Variants in ITPKB observed in about 807,000 individuals in gnomAD.
The protein encoded by ITPKB is inositol-trisphosphate 3-kinase B.
In ITPKB, 13 loss-of-function variants were observed where a neutral mutation model predicts 69.4. The observed-to-expected ratio is 0.19, with a 90% CI of 0.12 to 0.30. The LOEUF is 0.30. Ranked by LOEUF, ITPKB falls within the 10% of genes least tolerant of loss-of-function variation. The probability of loss-of-function intolerance (pLI) is 1.00; values close to 1 mark genes in which losing one functional copy is unlikely to be tolerated. For synonymous variants in ITPKB, 584 were observed against 513.7 expected (o/e 1.14, Z -1.85); for missense variants, 1,240 against 1,250.5 (o/e 0.99, Z 0.13).
At chr1:226,662,013 T>A (rs945975213) in intron 2 of ITPKB, among the ~76,000 whole-genome samples, 1 of 152,192 alleles carries the variant, frequency 6.6e-6, no homozygotes, top group African/African-American at 2.4e-5. Flanking sequence ...AACTCCAAAA[T>A]GCCCAGGAGC....
chr1:226,729,146 A>G (rs1404891447), intron 2 of ITPKB, among the ~76,000 whole-genome samples: 1 of 152,090 alleles, frequency 6.6e-6, no homozygotes, highest in Non-Finnish European at 1.5e-5. Flanking sequence ...AATGGTATTG[A>G]CTATTTTCCA....
At chr1:226,731,630 G>A (rs989326358) in intron 2 of ITPKB, among the ~76,000 whole-genome samples, 2 of 152,134 alleles carry the variant, frequency 1.3e-5, no homozygotes, top group Non-Finnish European at 2.9e-5. Flanking sequence ...CTAAGCTAGA[G>A]AAGCAGAGCC....
intron 4 of ITPKB, among the ~76,000 whole-genome samples, chr1:226,645,261 C>T (rs1198189800): frequency 6.6e-6 from 1 of 152,210 alleles, no homozygotes; most frequent in Non-Finnish European, 1.5e-5. Context: ...GGAGACCTTC[C>T]TCTTCCCCTC....
At chr1:226,636,403 C>G (rs1455455235) in intron 7 of ITPKB, among the ~76,000 whole-genome samples, 2 of 152,250 alleles carry the variant, frequency 1.3e-5, no homozygotes, top group African/African-American at 4.8e-5. Flanking sequence ...GTGCCACCCC[C>G]TCCTCGCAGC....
chr1:226,633,610 G>A lies in ITPKB; in HGVS notation c.*1061C>T, dbSNP rs918907744. ...GGAATCTAAGCCCTCCAGGCAGTAA[G>A]GCTTGTTTCAGAGGCAATAACAAAT... is the stretch of plus-strand genomic sequence containing the variant. On this transcript the variant is annotated 3_prime_UTR_variant, in exon 8 of 8. Coordinates refer to ENST00000429204, the MANE Select transcript of ITPKB (RefSeq NM_002221.4). 6 of 152,208 alleles carry A rather than the reference G, an allele frequency of 3.9e-5. No homozygotes were observed. The highest frequency in any genetic ancestry group is 1.4e-4 in the African/African-American group (6 of 41,442). The allele number at this position is 152,208 out of a possible 1,614,324, so 9.4% of individuals were successfully genotyped here. A position where few individuals can be genotyped will look rare whatever the true frequency, so the allele number is the denominator to read the frequency against.
chr1:226,648,599 G>T, intron 3 of ITPKB, 73 bp downstream of exon 3: 2 of 907,820 alleles, frequency 2.2e-6, no homozygotes. Context: ...TTGATCCCCA[G>T]AATGCAGCGT....
chr1:226,677,569 T>C (rs1427511138), intron 2 of ITPKB, among the ~76,000 whole-genome samples: 1 of 152,162 alleles, frequency 6.6e-6, no homozygotes, highest in Non-Finnish European at 1.5e-5. Flanking sequence ...CTGGAGGTAC[T>C]CCCTCTTCCC....
At chr1:226,726,017 A>G (rs998977945) in intron 2 of ITPKB, among the ~76,000 whole-genome samples, 4 of 152,226 alleles carry the variant, frequency 2.6e-5, no homozygotes, top group Non-Finnish European at 4.4e-5. Context: ...GTAAAAAAGC[A>G]AAGTCATCGT....
chr1:226,725,720 A>T (rs1657390983), intron 2 of ITPKB, among the ~76,000 whole-genome samples: 1 of 152,154 alleles, frequency 6.6e-6, no homozygotes, highest in African/African-American at 2.4e-5. Context: ...CTGCATGCCC[A>T]CTGACGAATG....
At chr1:226,646,422 G>A (rs1669063940) in intron 4 of ITPKB, among the ~76,000 whole-genome samples, 1 of 152,254 alleles carries the variant, frequency 6.6e-6, no homozygotes, top group Non-Finnish European at 1.5e-5. Context: ...GCCGGCCTCA[G>A]GCATCCCTGT....
In ITPKB at chr1:226,650,208, T is replaced by C. The variant is rs112554692; in HGVS notation, c.1933-1437A>G. ...AAGGTGAAATCGGCCTCCTTTGTTT[T>C]TTCTCTCTTTGCTGAGACTCAGCCG... On this transcript the variant is annotated intron_variant, in intron 2 of 7. Coordinates refer to ENST00000429204, the MANE Select transcript of ITPKB (RefSeq NM_002221.4). Among the ~76,000 whole-genome samples the C allele has an allele frequency of 4.6e-3, 701 of 152,310 alleles. 7 individuals are homozygous for C. Among genetic ancestry groups the C allele is most frequent in the African/African-American group, 0.016 (654 of 41,560 alleles).
chr1:226,674,685 C>T (rs1488629878), intron 2 of ITPKB, among the ~76,000 whole-genome samples: 2 of 152,110 alleles, frequency 1.3e-5, no homozygotes, highest in Non-Finnish European at 2.9e-5. Context: ...TAGCACCTCT[C>T]TTTAAACCTT....
Position 226,701,603 on chromosome 1 carries a change from C to CAAAA in ITPKB, c.1932+33920_1932+33923dup, listed in dbSNP as rs58756019. The stretch of plus-strand genomic sequence containing the variant: ...TGGGCGAAAGAGTGAGACTCCGTCT[C>CAAAA]AAAAAAAAAAAAAAAAAAAAAAAAA... On this transcript the variant is annotated intron_variant, in intron 2 of 7. Coordinates refer to ENST00000429204, the MANE Select transcript of ITPKB (RefSeq NM_002221.4). 2.5e-4 allele frequency among the ~76,000 whole-genome samples: 11 copies of CAAAA among 44,866 alleles called. 1 individual carries two copies. Among genetic ancestry groups the CAAAA allele is most frequent in the African/African-American group, 4.1e-4 (6 of 14,582 alleles). 29.4% of individuals were successfully genotyped at this position (44,866 alleles called of 152,430 possible).
At chr1:226,713,185 T>C (rs751023658) in intron 2 of ITPKB, among the ~76,000 whole-genome samples, 31 of 152,168 alleles carry the variant, frequency 2.0e-4, no homozygotes, top group Non-Finnish European at 3.4e-4. Context: ...AGCTGGCTAT[T>C]CGACCTCTTC....
chr1:226,642,031 G>C lies in ITPKB; in HGVS notation c.2341C>G (p.Pro781Ala). 6.2e-7 allele frequency: 1 copy of C among 1,614,102 alleles called. No homozygotes were observed. Among genetic ancestry groups the C allele is most frequent in the Non-Finnish European group, 8.5e-7 (1 of 1,180,018 alleles). ...CGCTGTGCTTTTTCCTCCTCGGTGG[G>C]GGCCTCGGGGTCCACCTCGATCATC... ...QKMIEVDPEA[P>A]TEEEKAQRAV... The change falls in exon 5 of 8, where the codon CCC becomes GCC. Residue 781 changes from proline (P) to alanine (A), a missense_variant. Pro to Ala is a conservative substitution (Grantham distance 27, BLOSUM62 -1). Around this residue, in one of 2 missense-constraint regions of ITPKB, gnomAD observed 248 missense variants for 396.7 expected, o/e 0.63. Coordinates refer to ENST00000429204, the MANE Select transcript of ITPKB (RefSeq NM_002221.4). The surrounding 1 kb of genome is among the most constrained non-coding windows in gnomAD (Gnocchi z 6.4).
At chr1:226,675,301 T>C (rs1669709723) in intron 2 of ITPKB, among the ~76,000 whole-genome samples, 1 of 152,142 alleles carries the variant, frequency 6.6e-6, no homozygotes, top group Non-Finnish European at 1.5e-5. Flanking sequence ...AACTTTCCAT[T>C]AGCAGCGTTC....
intron 2 of ITPKB, among the ~76,000 whole-genome samples, chr1:226,714,711 C>T (rs1241122225): frequency 1.3e-5 from 2 of 152,244 alleles, no homozygotes; most frequent in African/African-American, 4.8e-5. Context: ...CTCTTCTCCA[C>T]CACCCTAGGT....
At chr1:226,730,120 T>TTTGACTACAAGGTCAAGGGAC (rs1657543310) in intron 2 of ITPKB, among the ~76,000 whole-genome samples, 1 of 152,228 alleles carries the variant, frequency 6.6e-6, no homozygotes, top group African/African-American at 2.4e-5. Flanking sequence ...GCTAGTCAAA[T>TTTGACTACAAGGTCAAGGGAC]TTGACTACAA....
At chr1:226,643,929 G>C (rs1186754925) in intron 4 of ITPKB, among the ~76,000 whole-genome samples, 1 of 152,366 alleles carries the variant, frequency 6.6e-6, no homozygotes, top group East Asian at 1.9e-4. Context: ...TGCAGAGCCA[G>C]GTCAGTGGTG....
Sources: allele counts gnomAD v4.1 joint callset (sites outside exome capture counted in the v4.1 genomes callset), GRCh38; gene constraint gnomAD v4.1.1; regional missense constraint gnomAD v4.1.1; non-coding constraint Gnocchi (gnomAD v3.1); transcripts MANE v1.5; gene names NCBI Gene and HGNC (gene_info 2026-07-23, HGNC 2026-07-21).